The following NUDT3 variants were observed in gnomAD, a reference collection of about 807,000 sequenced individuals.
The protein encoded by NUDT3 is diphosphoinositol polyphosphate phosphohydrolase 1.
Under a neutral mutation model 23.6 loss-of-function variants are expected in NUDT3, and 9 were observed. That is an observed-to-expected ratio of 0.38 (90% CI 0.23 to 0.66). NUDT3 has a LOEUF of 0.66. Among genes scored for constraint, NUDT3 ranks in the 30% least tolerant of loss-of-function variants. The pLI is 0.52. For missense variants in NUDT3, 172 were observed against 218.5 expected (o/e 0.79, Z 1.34); for synonymous variants, 86 against 82.6 (o/e 1.04, Z -0.22).
intron 1 of NUDT3, among the ~76,000 whole-genome samples, chr6:34,354,950 T>C (rs1764540483): frequency 1.3e-5 from 2 of 151,934 alleles, no homozygotes; most frequent in African/African-American, 4.8e-5. Flanking sequence ...ATTTTCTATA[T>C]AGATGATCAT....
intron 2 of NUDT3, 149 bp downstream of exon 2, chr6:34,341,713 G>T: frequency 1.7e-6 from 1 of 586,848 alleles, no homozygotes; most frequent in Non-Finnish European, 2.8e-6. Flanking sequence ...CCATCACCCG[G>T]TAATAAAGGA....
chr6:34,285,493 A>G lies in NUDT3; in HGVS notation c.*3260T>C, dbSNP rs1163506386. ...GATGCTCCAGCAATAACCAGAATCT[A>G]GGACATGCAGACTCACTGTGAGCGA... is the stretch of plus-strand genomic sequence containing the variant. On this transcript the variant is annotated 3_prime_UTR_variant, in exon 5 of 5. Transcript: ENST00000607016. 1 of 152,248 alleles carries G rather than the reference A, an allele frequency of 6.6e-6. No homozygotes were observed. Among genetic ancestry groups the G allele is most frequent in the Admixed American group, 6.5e-5 (1 of 15,288 alleles). The allele number at this position is 152,248 out of a possible 1,614,324, so 9.4% of individuals were successfully genotyped here.
intron 2 of NUDT3, among the ~76,000 whole-genome samples, chr6:34,299,484 G>A (rs921406796): frequency 5.9e-5 from 9 of 151,854 alleles, no homozygotes; most frequent in African/African-American, 9.7e-5. Context: ...AGGCTAGGGC[G>A]CATGGTCATA....
chr6:34,339,036 T>C (rs1040368472), intron 2 of NUDT3, among the ~76,000 whole-genome samples: 3 of 152,172 alleles, frequency 2.0e-5, no homozygotes, highest in African/African-American at 4.8e-5. Flanking sequence ...GGAGTTGCTG[T>C]CTCTGGGGTG....
chr6:34,315,328 T>A (rs201043650), intron 2 of NUDT3, among the ~76,000 whole-genome samples: 1 of 152,242 alleles, frequency 6.6e-6, no homozygotes, highest in African/African-American at 2.4e-5. Flanking sequence ...CTTTGCCAAA[T>A]ACCACTACAA....
intron 2 of NUDT3, among the ~76,000 whole-genome samples, chr6:34,307,337 T>C (rs1763697575): frequency 6.6e-6 from 1 of 152,038 alleles, no homozygotes; most frequent in South Asian, 2.1e-4. Flanking sequence ...CCAGCACTTT[T>C]GGAGGTCGAG....
intron 2 of NUDT3, among the ~76,000 whole-genome samples, chr6:34,304,989 T>TC (rs934003978): frequency 7.2e-6 from 1 of 138,262 alleles, no homozygotes; most frequent in African/African-American, 2.7e-5. Flanking sequence ...TTTTTTTTTT[T>TC]TTTTTTTTTT....
intron 2 of NUDT3, among the ~76,000 whole-genome samples, chr6:34,335,609 G>A (rs1764196528): frequency 6.6e-6 from 1 of 151,692 alleles, no homozygotes; most frequent in South Asian, 2.1e-4. Flanking sequence ...TCTGACTCAT[G>A]ATTTTAAGTT....
At chr6:34,310,570 A>C (rs891829908) in intron 2 of NUDT3, among the ~76,000 whole-genome samples, 1 of 152,080 alleles carries the variant, frequency 6.6e-6, no homozygotes, top group Non-Finnish European at 1.5e-5. Context: ...CACCATAATA[A>C]CCTTCCAAAA....
At chr6:34,334,312 T>C (rs1244704591) in intron 2 of NUDT3, among the ~76,000 whole-genome samples, 1 of 152,140 alleles carries the variant, frequency 6.6e-6, no homozygotes, top group South Asian at 2.1e-4. Context: ...GCACTTGAGA[T>C]ATGTGTTGAG....
chr6:34,339,713 CAG>C (rs1227602662), intron 2 of NUDT3, among the ~76,000 whole-genome samples: 1 of 152,164 alleles, frequency 6.6e-6, no homozygotes, highest in African/African-American at 2.4e-5. Context: ...CCTATAATGG[CAG>C]AGTTAAATAG....
rs945772836 is a variant in NUDT3, at chr6:34,280,286, C to A, written c.*8467G>T. 1 of 152,266 alleles carries A rather than the reference C, an allele frequency of 6.6e-6. No homozygotes were observed. Among genetic ancestry groups the A allele is most frequent in the African/African-American group, 2.4e-5 (1 of 41,466 alleles). The allele number at this position is 152,266 out of a possible 1,614,324, so 9.4% of individuals were successfully genotyped here. On this transcript the variant is annotated 3_prime_UTR_variant, in exon 5 of 5. Transcript: ENST00000607016. ...GGGGAAGAGGCCAGCCCTGAGCGGG[C>A]AAGAAGAAAAGCTTGAACTTTCCAT...
At position 34,290,463 on chromosome 6, in the gene NUDT3, C is replaced by T. The variant is rs150949397; in HGVS notation, c.341-1532G>A. Reference sequence around the variant, plus strand: ...CTCAAATTCCTGGCCTCAAGTGATCCTCCTGCCTTAGCCTCCCAAAGTACT... The same window carrying T: ...CTCAAATTCCTGGCCTCAAGTGATCTTCCTGCCTTAGCCTCCCAAAGTACT... On this transcript the variant is annotated intron_variant, in intron 4 of 4. Coordinates refer to ENST00000607016, the MANE Select transcript of NUDT3 (RefSeq NM_006703.4). Among the ~76,000 whole-genome samples, 691 of 149,164 alleles carry T rather than the reference C, an allele frequency of 4.6e-3. 3 individuals are homozygous for T. Among genetic ancestry groups the T allele is most frequent in the Non-Finnish European group, 7.1e-3 (482 of 67,558 alleles).
At chr6:34,355,391 T>C (rs1182486474) in intron 1 of NUDT3, among the ~76,000 whole-genome samples, 2 of 152,062 alleles carry the variant, frequency 1.3e-5, no homozygotes, top group South Asian at 2.1e-4. Context: ...TTAGTCACGA[T>C]GTATTATTCT....
chr6:34,290,396 T>G (rs1763402030), intron 4 of NUDT3, among the ~76,000 whole-genome samples: 1 of 147,386 alleles, frequency 6.8e-6, no homozygotes, highest in South Asian at 2.2e-4. Flanking sequence ...CACCTGCTGC[T>G]GCTTCTTTTT....
intron 2 of NUDT3, among the ~76,000 whole-genome samples, chr6:34,297,135 T>C (rs1763512913): frequency 6.6e-6 from 1 of 152,028 alleles, no homozygotes; most frequent in Admixed American, 6.6e-5. Context: ...GGTTTCACCA[T>C]GTTAGCCAGG....
chr6:34,340,857 C>T (rs921893630), intron 2 of NUDT3, among the ~76,000 whole-genome samples: 1 of 152,080 alleles, frequency 6.6e-6, no homozygotes, highest in Admixed American at 6.6e-5. Context: ...ATAGATGCTA[C>T]AATGAGAGTG....
intron 1 of NUDT3, among the ~76,000 whole-genome samples, chr6:34,373,436 A>G (rs1764869796): frequency 6.9e-6 from 1 of 145,178 alleles, no homozygotes; most frequent in Admixed American, 7.0e-5. Context: ...ATCTATCCTC[A>G]TAAATAATTG....
Position 34,295,693 on chromosome 6 carries a change from G to GT in NUDT3, c.211-9dup. ...TGTCCCTTTTACTCCAGCCTAGAAA[G>GT]TGAAAAGAACAATTAATGCACTGAT... is the stretch of plus-strand genomic sequence containing the variant. On this transcript the variant is annotated splice_polypyrimidine_tract_variant and intron_variant, in intron 2 of 4. Coordinates refer to ENST00000607016, the MANE Select transcript of NUDT3 (RefSeq NM_006703.4). The GT allele has an allele frequency of 6.2e-7, 1 of 1,613,730 alleles. No individual in the cohort carries two copies. Among genetic ancestry groups the GT allele is most frequent in the Non-Finnish European group, 8.5e-7 (1 of 1,179,864 alleles).
Sources: allele counts gnomAD v4.1 joint callset (sites outside exome capture counted in the v4.1 genomes callset), GRCh38; gene constraint gnomAD v4.1.1; transcripts MANE v1.5; gene names NCBI Gene and HGNC (gene_info 2026-07-23, HGNC 2026-07-21).